Variants in FAM168A observed in about 807,000 individuals in gnomAD.
FAM168A encodes the protein family with sequence similarity 168 member A.
FAM168A carries 3 observed loss-of-function variants against 28.5 expected under a neutral mutation model. The ratio of observed to expected loss-of-function variants is 0.11; its 90% CI spans 0.05 to 0.27. The LOEUF is 0.27. FAM168A is among the 10% of genes least tolerant of loss of function. FAM168A has a pLI of 1.00. For synonymous variants in FAM168A, 122 were observed against 124.2 expected (o/e 0.98, Z 0.12); for missense variants, 222 against 311.5 (o/e 0.71, Z 2.16).
At chr11:73,427,320 T>C (rs1459522319) in intron 3 of FAM168A, among the ~76,000 whole-genome samples, 1 of 152,126 alleles carries the variant, frequency 6.6e-6, no homozygotes. Context: ...AAAAACAAAA[T>C]TGGGGAAAAT....
chr11:73,466,566 T>C (rs1167631086), intron 2 of FAM168A, among the ~76,000 whole-genome samples: 1 of 152,152 alleles, frequency 6.6e-6, no homozygotes, highest in Non-Finnish European at 1.5e-5. Context: ...ACCATATAAA[T>C]GCTTACTGTA....
intron 1 of FAM168A, among the ~76,000 whole-genome samples, chr11:73,478,616 C>A (rs111930338): frequency 9.2e-5 from 14 of 152,234 alleles, no homozygotes; most frequent in African/African-American, 2.6e-4. Context: ...AATTATACCT[C>A]AATAAAGCTA....
At chr11:73,566,900 G>A (rs1283336705) in intron 1 of FAM168A, among the ~76,000 whole-genome samples, 1 of 152,222 alleles carries the variant, frequency 6.6e-6, no homozygotes, top group East Asian at 1.9e-4. Context: ...AGCAATGTAG[G>A]TGGTAGATTT....
intron 1 of FAM168A, among the ~76,000 whole-genome samples, chr11:73,515,849 T>C (rs1381864764): frequency 6.6e-6 from 1 of 152,068 alleles, no homozygotes; most frequent in African/African-American, 2.4e-5. Flanking sequence ...ACACCTGTAA[T>C]CCCAGCACTT....
At chr11:73,483,810 T>C (rs1267395238) in intron 1 of FAM168A, among the ~76,000 whole-genome samples, 2 of 152,126 alleles carry the variant, frequency 1.3e-5, no homozygotes, top group Admixed American at 6.5e-5. Context: ...AATCTGGAAA[T>C]ACTGATTTGG....
At chr11:73,596,098 A>G (rs909322041) in intron 1 of FAM168A, among the ~76,000 whole-genome samples, 1 of 152,206 alleles carries the variant, frequency 6.6e-6, no homozygotes, top group African/African-American at 2.4e-5. Context: ...CAATCAATTT[A>G]AAGAGGGGGT....
intron 2 of FAM168A, among the ~76,000 whole-genome samples, chr11:73,445,419 C>CTCTTT (rs776745757): frequency 5.9e-5 from 3 of 50,432 alleles, no homozygotes; most frequent in African/African-American, 1.4e-4. Context: ...AAAAATGTCT[C>CTCTTT]TTTTTTTTTT....
At chr11:73,492,120 G>T in intron 1 of FAM168A, among the ~76,000 whole-genome samples, 1 of 152,112 alleles carries the variant, frequency 6.6e-6, no homozygotes. Context: ...GAAGCAACTT[G>T]CCCAGACTTT....
intron 2 of FAM168A, among the ~76,000 whole-genome samples, chr11:73,455,991 GCCTTTA>G (rs1867524896): frequency 6.6e-6 from 1 of 152,172 alleles, no homozygotes; most frequent in Admixed American, 6.5e-5. Flanking sequence ...AAAAAGTAGG[GCCTTTA>G]GAGCCAGGCA....
At chr11:73,523,272 T>C (rs1943408022) in intron 1 of FAM168A, among the ~76,000 whole-genome samples, 1 of 152,304 alleles carries the variant, frequency 6.6e-6, no homozygotes, top group Non-Finnish European at 1.5e-5. Context: ...AATAACGCTT[T>C]ACTTCATATG....
chr11:73,578,180 G>A lies in FAM168A; in HGVS notation c.-19+19743C>T, dbSNP rs59043881. On this transcript the variant is annotated intron_variant, in intron 1 of 7. Coordinates refer to ENST00000356467, the MANE Select transcript of FAM168A (RefSeq NM_015159.3). ...ATGGTAGAATCCCTGTTTCACAGAC[G>A]ATCAAACTACAGCTGAGAGGTGAAC... is the stretch of plus-strand genomic sequence containing the variant. Among the ~76,000 whole-genome samples the A allele has an allele frequency of 6.5e-3, 995 of 152,278 alleles. 12 individuals carry two copies. The highest frequency in any genetic ancestry group is 0.023 in the African/African-American group (960 of 41,540).
At chr11:73,569,503 C>T (rs1014871145) in intron 1 of FAM168A, among the ~76,000 whole-genome samples, 2 of 152,124 alleles carry the variant, frequency 1.3e-5, no homozygotes, top group South Asian at 2.1e-4. Flanking sequence ...ATTTTACATA[C>T]GAAAAAGACT....
intron 1 of FAM168A, among the ~76,000 whole-genome samples, chr11:73,532,011 C>G (rs1052761991): frequency 2.0e-5 from 3 of 146,382 alleles, no homozygotes; most frequent in Non-Finnish European, 4.5e-5. Context: ...AAGATTTTCA[C>G]CATGTTGCCC....
intron 2 of FAM168A, among the ~76,000 whole-genome samples, chr11:73,466,118 C>T (rs900218445): frequency 5.9e-5 from 9 of 152,190 alleles, no homozygotes; most frequent in African/African-American, 2.2e-4. Flanking sequence ...CTGTTCCCTG[C>T]AGCCACCATC....
At chr11:73,476,555 G>A (rs1024634180) in intron 1 of FAM168A, among the ~76,000 whole-genome samples, 3 of 151,926 alleles carry the variant, frequency 2.0e-5, no homozygotes, top group African/African-American at 4.8e-5. Flanking sequence ...CATGAAACAC[G>A]CAAAGAAACA....
At chr11:73,517,524 G>C (rs1249264890) in intron 1 of FAM168A, among the ~76,000 whole-genome samples, 1 of 152,094 alleles carries the variant, frequency 6.6e-6, no homozygotes, top group Admixed American at 6.6e-5. Context: ...ACAGTGAAAG[G>C]GTACTGTTTC....
intron 2 of FAM168A, among the ~76,000 whole-genome samples, chr11:73,443,052 A>G (rs1211355401): frequency 6.9e-6 from 1 of 144,510 alleles, no homozygotes; most frequent in Non-Finnish European, 1.5e-5. Context: ...ACATAACTAA[A>G]GGCATCTTTG....
chr11:73,523,016 C>CA (rs1943404220), intron 1 of FAM168A, among the ~76,000 whole-genome samples: 1 of 151,710 alleles, frequency 6.6e-6, no homozygotes, highest in Admixed American at 6.6e-5. Context: ...CTGTCTCAAA[C>CA]AAAAAACAAA....
intron 1 of FAM168A, among the ~76,000 whole-genome samples, chr11:73,555,670 T>C (rs2134697527): frequency 6.7e-6 from 1 of 148,836 alleles, no homozygotes; most frequent in East Asian, 2.0e-4. Flanking sequence ...ATCTCACCAC[T>C]GCACTCCAGC....
Sources: gnomAD v4.1 joint callset for allele counts (sites outside exome capture counted in the v4.1 genomes callset) on GRCh38, gnomAD v4.1.1 for gene constraint, MANE v1.5 for transcripts, NCBI Gene and HGNC (gene_info 2026-07-23, HGNC 2026-07-21) for gene names.